Variants in BAHCC1 observed in about 807,000 individuals in gnomAD.
BAHCC1 encodes the protein BAH domain and coiled-coil containing 1, also known as BAH and coiled-coil domain-containing protein 1.
BAHCC1 carries 43 observed loss-of-function variants against 88.2 expected under a neutral mutation model. That is an observed-to-expected ratio of 0.49 (90% confidence interval 0.38 to 0.63). The LOEUF (loss-of-function observed/expected upper bound fraction) is 0.63. Among genes scored for constraint, BAHCC1 ranks in the 20% least tolerant of loss-of-function variants. BAHCC1 has a pLI of 0.00. For missense variants in BAHCC1, 3,023 were observed against 1,654.8 expected, an observed-to-expected ratio of 1.83 and a Z score of -14.34; for synonymous variants, 1,510 against 745.5, an observed-to-expected ratio of 2.03 and a Z score of -16.71.
intron 2 of BAHCC1, among the ~76,000 whole-genome samples, chr17:81,408,177 G>A (rs1198708714): frequency 6.6e-6 from 1 of 152,208 alleles, no homozygotes; most frequent in Non-Finnish European, 1.5e-5. Context: ...CTCGGCAGGA[G>A]GAGGACATTC....
Position 81,458,429 on chromosome 17 carries a change from C to A in BAHCC1, c.5306C>A (p.Ala1769Asp). The A allele has an allele frequency of 1.4e-6, 1 of 739,768 alleles. No individual in the cohort carries two copies. The highest frequency in any genetic ancestry group is 1.8e-5 in the Admixed American group (1 of 54,946). 45.8% of individuals were successfully genotyped at this position (739,768 alleles called of 1,614,324 possible). A position where few individuals can be genotyped will look rare whatever the true frequency, so the allele number is the denominator to read the frequency against. The change falls in exon 18 of 28, where the codon GCC becomes GAC. Residue 1769 changes from alanine (A) to aspartate (D), a missense_variant. Ala to Asp is a moderately radical substitution (Grantham distance 126). Coordinates refer to ENST00000675386, the MANE Select transcript of BAHCC1 (RefSeq NM_001377448.1). ...CTGGCCAGTGAGCGCCTCAAGAGGG[C>A]CACGCGCAAGGGCACAGTGCTGCAG... ...SQLASERLKR[A>D]TRKGTVLQPV...
intron 2 of BAHCC1, among the ~76,000 whole-genome samples, chr17:81,405,208 C>T (rs1250324914): frequency 6.6e-6 from 1 of 152,180 alleles, no homozygotes; most frequent in Non-Finnish European, 1.5e-5. Context: ...GCTGGGATTA[C>T]AGGCATGTAC....
At chr17:81,462,183 G>T in intron 26 of BAHCC1, 137 bp downstream of exon 26, 1 of 596,686 alleles carries the variant, frequency 1.7e-6, no homozygotes, top group South Asian at 2.0e-5. Context: ...AAACTCAAGG[G>T]AAGAACAAAG....
chr17:81,451,435 G>A (rs559804406), intron 11 of BAHCC1, among the ~76,000 whole-genome samples: 5 of 152,264 alleles, frequency 3.3e-5, no homozygotes, highest in African/African-American at 9.6e-5. Context: ...ACCCTGCCCC[G>A]TGGGTCCTCC....
intron 27 of BAHCC1, among the ~76,000 whole-genome samples, chr17:81,463,355 C>T (rs1223102926): frequency 1.3e-5 from 2 of 152,228 alleles, no homozygotes; most frequent in African/African-American, 2.4e-5. Flanking sequence ...CCATATGACA[C>T]GTCCATCTTT....
intron 2 of BAHCC1, chr17:81,409,950 C>G (rs1027601994): frequency 9.9e-6 from 2 of 202,666 alleles, no homozygotes; most frequent in Middle Eastern, 4.9e-4. Context: ...CTGAGGGGAG[C>G]GTGTGTAATG....
At position 81,443,613 on chromosome 17, in the gene BAHCC1, C is replaced by T. The variant is rs1389976498; in HGVS notation, c.2215+49C>T. 6.5e-6 allele frequency: 4 copies of T among 620,034 alleles called. No homozygotes were observed. In the African/African-American group the frequency reaches 7.3e-5, roughly 11 times the overall value. The allele number at this position is 620,034 out of a possible 1,614,324, so 38.4% of individuals were successfully genotyped here. ...AGGCAGGCCGGGACAGTCTAGGGGGCCCAGCTGGCCCTGCCCTGCGCCCCG... is the reference window on the plus strand; with the variant it reads ...AGGCAGGCCGGGACAGTCTAGGGGGTCCAGCTGGCCCTGCCCTGCGCCCCG... On this transcript the variant is annotated intron_variant, in intron 5 of 27. Transcript: ENST00000675386.
At position 81,461,701 on chromosome 17, in the gene BAHCC1, C is replaced by G. The variant is rs2030302952; in HGVS notation, c.7038C>G (p.Ser2346=). The G allele has an allele frequency of 1.4e-6, 1 of 720,444 alleles. No individual in the cohort carries two copies. The highest frequency in any genetic ancestry group is 2.6e-6 in the Non-Finnish European group (1 of 386,734). 44.6% of individuals were successfully genotyped at this position (720,444 alleles called of 1,614,324 possible). A position where few individuals can be genotyped will look rare whatever the true frequency, so the allele number is the denominator to read the frequency against. Reference sequence around the variant, plus strand: ...GCTCCTCCGACAACGAGGACTCGTCCTACAGCTCAGACGACGAGGACCCGG... The same window carrying G: ...GCTCCTCCGACAACGAGGACTCGTCGTACAGCTCAGACGACGAGGACCCGG... ...SLCSSDNEDS[S]YSSDDEDPAL... Residue 2346 remains serine (S), a synonymous_variant, in exon 26 of 28, where the codon TCC becomes TCG. Coordinates refer to ENST00000675386, the MANE Select transcript of BAHCC1 (RefSeq NM_001377448.1).
intron 2 of BAHCC1, chr17:81,406,993 G>A (rs1555647031): frequency 2.0e-5 from 9 of 456,308 alleles, no homozygotes; most frequent in Non-Finnish European, 2.2e-5. Context: ...AAACAGGTGG[G>A]CTGGGTTCCT....
Position 81,411,318 on chromosome 17 carries a change from C to T in BAHCC1, c.178+11401C>T, listed in dbSNP as rs2063947490. Among the ~76,000 whole-genome samples, 1 of 151,930 alleles carries T rather than the reference C, an allele frequency of 6.6e-6. No homozygotes were observed. Among genetic ancestry groups the T allele is most frequent in the African/African-American group, 2.4e-5 (1 of 41,370 alleles). ...AGGCAGCAGGAGCTGGACGTGCCGTCAGCCCAGGCCCCTGAGAGTGAGGCT... is the reference window on the plus strand; with the variant it reads ...AGGCAGCAGGAGCTGGACGTGCCGTTAGCCCAGGCCCCTGAGAGTGAGGCT... On this transcript the variant is annotated intron_variant, in intron 2 of 27. Transcript: ENST00000675386. This position sits in a 1 kb window ranked among gnomAD's most constrained non-coding sequence, Gnocchi z 6.2.
Position 81,462,012 on chromosome 17 carries a change from G to C in BAHCC1, c.7349G>C (p.Arg2450Pro). The C allele has an allele frequency of 1.3e-6, 1 of 778,094 alleles. No individual in the cohort carries two copies. The highest frequency in any genetic ancestry group is 1.7e-5 in the African/African-American group (1 of 59,248). The allele number at this position is 778,094 out of a possible 1,614,324, so 48.2% of individuals were successfully genotyped here. A position where few individuals can be genotyped will look rare whatever the true frequency, so the allele number is the denominator to read the frequency against. ...RPKISAFLPA[R>P]QLWKWSGNPT... ...AAGATCTCAGCCTTCCTGCCCGCCC[G>C]GCAGCTCTGGAAGTGGTCGGGGAAT... The change falls in exon 26 of 28, where the codon CGG becomes CCG. Residue 2450 changes from arginine to proline, a missense_variant. Coordinates refer to ENST00000675386, the MANE Select transcript of BAHCC1 (RefSeq NM_001377448.1).
intron 2 of BAHCC1, chr17:81,400,996 A>G (rs1261124278): frequency 1.3e-5 from 2 of 152,304 alleles, no homozygotes; most frequent in Non-Finnish European, 2.9e-5. Flanking sequence ...AAACATCAGA[A>G]ATGTTTGTCG....
At chr17:81,451,934 T>C (rs1555655907) in intron 12 of BAHCC1, 37 bp from the exon 13 acceptor site, 2 of 632,402 alleles carry the variant, frequency 3.2e-6, no homozygotes, top group Non-Finnish European at 5.7e-6. Context: ...GCCTGGGCCC[T>C]GGCCCGGCTC....
intron 4 of BAHCC1, 75 bp downstream of exon 4, chr17:81,438,567 A>G (rs531679458): frequency 1.4e-5 from 10 of 714,548 alleles, no homozygotes; most frequent in South Asian, 1.3e-4. Context: ...CTTCTGGGGC[A>G]CAAGGGAAAG....
At chr17:81,452,325 G>T (rs1309499552) in intron 13 of BAHCC1, among the ~76,000 whole-genome samples, 3 of 152,196 alleles carry the variant, frequency 2.0e-5, no homozygotes, top group African/African-American at 4.8e-5. Flanking sequence ...CAGGGCCAGG[G>T]GTCTGTGGAA....
chr17:81,449,121 T>C (rs1427322013), intron 11 of BAHCC1, among the ~76,000 whole-genome samples: 7 of 152,172 alleles, frequency 4.6e-5, no homozygotes, highest in African/African-American at 7.2e-5. Context: ...TGAATACTCA[T>C]GTGTAGACCA....
rs781915534 is a variant in BAHCC1 at position 81,442,197 on chromosome 17, GCCT to G, written c.853_855del (p.Leu285del). 5.2e-5 allele frequency: 34 copies of G among 659,014 alleles called. No individual in the cohort carries two copies. The East Asian group carries it at 9.3e-4, about 18-fold the overall frequency. 40.8% of individuals were successfully genotyped at this position (659,014 alleles called of 1,614,324 possible). A position where few individuals can be genotyped will look rare whatever the true frequency, so the allele number is the denominator to read the frequency against. ...GGCCGCCCCAAGCACCTCACCTCCT[GCCT>G]CCTCAACACCAAGGTGCTCAACGGC... On this transcript the variant is annotated inframe_deletion, in exon 5 of 28. Transcript: ENST00000675386.
At chr17:81,450,822 T>C (rs542360603) in intron 11 of BAHCC1, among the ~76,000 whole-genome samples, 60 of 152,062 alleles carry the variant, frequency 3.9e-4, no homozygotes, top group African/African-American at 1.4e-3. Flanking sequence ...GGTGGGAGGG[T>C]ACTGGAGCCC....
In BAHCC1 at chr17:81,442,427, G is replaced by T. The variant is rs782581296; in HGVS notation, c.1078G>T (p.Ala360Ser). The change falls in exon 5 of 28, where the codon GCC becomes TCC. Residue 360 changes from alanine to serine, a missense_variant. Transcript: ENST00000675386. ...YAGPPPPLST[A>S]AGSFPCLQLH... ...CGGGCCACCCCCGCCCCTCAGCACAGCCGCCGGCTCCTTCCCCTGCCTGCA... is the reference window on the plus strand; with the variant it reads ...CGGGCCACCCCCGCCCCTCAGCACATCCGCCGGCTCCTTCCCCTGCCTGCA... 3 of 705,152 alleles carry T rather than the reference G, an allele frequency of 4.3e-6. No homozygotes were observed. Among genetic ancestry groups the T allele is most frequent in the Non-Finnish European group, 7.9e-6 (3 of 380,610 alleles). 43.7% of individuals were successfully genotyped at this position (705,152 alleles called of 1,614,324 possible). A position where few individuals can be genotyped will look rare whatever the true frequency, so the allele number is the denominator to read the frequency against.
Sources: allele counts gnomAD v4.1 joint callset (sites outside exome capture counted in the v4.1 genomes callset), GRCh38; gene constraint gnomAD v4.1.1; non-coding constraint Gnocchi (gnomAD v3.1); transcripts MANE v1.5; gene names NCBI Gene and HGNC (gene_info 2026-07-23, HGNC 2026-07-21).